SLC16A10: variants seen among roughly 807,000 people sequenced by gnomAD.
The protein encoded by SLC16A10 is monocarboxylate transporter 10.
In SLC16A10, 27 loss-of-function variants were observed where a neutral mutation model predicts 40.0. The observed-to-expected ratio is 0.67, with a 90% CI of 0.50 to 0.93. SLC16A10 has a LOEUF of 0.93. Ranked by LOEUF, SLC16A10 falls within the 40% of genes least tolerant of loss-of-function variation. The pLI is 0.00. For missense variants in SLC16A10, 529 were observed against 658.2 expected (o/e 0.80, Z 2.15); for synonymous variants, 213 against 249.8 (o/e 0.85, Z 1.39).
intron 1 of SLC16A10, among the ~76,000 whole-genome samples, chr6:111,107,315 G>A (rs565762024): frequency 2.0e-5 from 3 of 152,248 alleles, no homozygotes; most frequent in East Asian, 3.9e-4. Context: ...TTTAAAAAGC[G>A]CCTATCAGGG....
chr6:111,097,092 G>A (rs934770018), intron 1 of SLC16A10, among the ~76,000 whole-genome samples: 1 of 152,074 alleles, frequency 6.6e-6, no homozygotes, highest in African/African-American at 2.4e-5. Flanking sequence ...AGAGTGTTGG[G>A]ATTACAGGTT....
intron 3 of SLC16A10, among the ~76,000 whole-genome samples, chr6:111,204,355 G>A (rs1334413057): frequency 1.3e-5 from 2 of 152,156 alleles, no homozygotes; most frequent in African/African-American, 4.8e-5. Context: ...CAATTTGTGA[G>A]GGTGAGTTGA....
In SLC16A10 at chr6:111,177,462, G is replaced by C. The variant is rs780171639; in HGVS notation, c.739G>C (p.Ala247Pro). 3 of 1,613,984 alleles carry C rather than the reference G, an allele frequency of 1.9e-6. No homozygotes were observed. The highest frequency in any genetic ancestry group is 2.5e-6 in the Non-Finnish European group (3 of 1,179,994). The change falls in exon 3 of 6, where the codon GCT becomes CCT. Residue 247 changes from alanine to proline, a missense_variant. Physicochemically the swap from Ala to Pro is conservative, Grantham distance 27. Transcript: ENST00000368851. Reference protein sequence around the residue: ...LCIFMFVLFLAGFTYRPLATS... With the variant: ...LCIFMFVLFLPGFTYRPLATS... ...CATCTTCATGTTTGTTCTCTTTCTG[G>C]CTGGCTTTACTTACCGACCTCTTGC...
chr6:111,177,600 T>A lies in SLC16A10; in HGVS notation c.877T>A (p.Tyr293Asn). 1 of 1,607,696 alleles carries A rather than the reference T, an allele frequency of 6.2e-7. No individual in the cohort carries two copies. Among genetic ancestry groups the A allele is most frequent in the Non-Finnish European group, 8.5e-7 (1 of 1,177,058 alleles). The change falls in exon 3 of 6, where the codon TAT becomes AAT. Residue 293 changes from tyrosine (Y) to asparagine (N), a missense_variant. By Grantham distance (143) the Tyr-to-Asn change is moderately radical (BLOSUM62 -2). Transcript: ENST00000368851. Reference sequence around the variant, plus strand: ...TTTTGCCATCTTCAAGGTGACAGCTTATGCAGTGTGGGCAGTTGGAATACC... The same window carrying A: ...TTTTGCCATCTTCAAGGTGACAGCTAATGCAGTGTGGGCAGTTGGAATACC... ...FNFAIFKVTAYAVWAVGIPLA... is the reference protein window; with the variant it reads ...FNFAIFKVTANAVWAVGIPLA...
chr6:111,119,144 C>T (rs1315428326), intron 1 of SLC16A10, among the ~76,000 whole-genome samples: 2 of 152,160 alleles, frequency 1.3e-5, no homozygotes, highest in Non-Finnish European at 2.9e-5. Context: ...AATAGGTCTC[C>T]TCAGATCCTA....
chr6:111,221,099 TAGTAC>T (rs1770879872), intron 5 of SLC16A10, among the ~76,000 whole-genome samples: 1 of 152,248 alleles, frequency 6.6e-6, no homozygotes, highest in Non-Finnish European at 1.5e-5. Context: ...GATAGATATT[TAGTAC>T]AGTATATTCC....
At chr6:111,146,685 C>T (rs1772084631) in intron 1 of SLC16A10, among the ~76,000 whole-genome samples, 2 of 151,668 alleles carry the variant, frequency 1.3e-5, no homozygotes, top group East Asian at 1.9e-4. Flanking sequence ...TGCAGTGAGC[C>T]GAGATTGCGC....
intron 1 of SLC16A10, among the ~76,000 whole-genome samples, chr6:111,143,928 A>G (rs1772029143): frequency 6.6e-6 from 1 of 152,174 alleles, no homozygotes; most frequent in Admixed American, 6.5e-5. Context: ...GTTTGAAACC[A>G]GCCTGGTCAG....
In SLC16A10 at chr6:111,228,831, A is replaced by AC; in HGVS notation, c.*6598dup. ...AATCACCTGAGGTCAGATGTTGGAG[A>AC]CCAGCCTGACCAACATGGAGAAACC... On this transcript the variant is annotated 3_prime_UTR_variant, in exon 6 of 6. Coordinates refer to ENST00000368851, the MANE Select transcript of SLC16A10 (RefSeq NM_018593.5). 6.6e-6 allele frequency: 1 copy of AC among 151,976 alleles called. No individual in the cohort carries two copies. Among genetic ancestry groups the AC allele is most frequent in the South Asian group, 2.1e-4 (1 of 4,808 alleles). 9.4% of individuals were successfully genotyped at this position (151,976 alleles called of 1,614,324 possible). A position where few individuals can be genotyped will look rare whatever the true frequency, so the allele number is the denominator to read the frequency against.
chr6:111,189,661 T>TC (rs1772957458), intron 3 of SLC16A10, among the ~76,000 whole-genome samples: 2 of 152,142 alleles, frequency 1.3e-5, no homozygotes, highest in South Asian at 4.2e-4. Context: ...TGGAGGAGGA[T>TC]CAAAGGCATG....
intron 1 of SLC16A10, among the ~76,000 whole-genome samples, chr6:111,131,749 C>T (rs774445483): frequency 7.2e-5 from 11 of 152,108 alleles, no homozygotes; most frequent in African/African-American, 1.7e-4. Context: ...AGCTGAGGGC[C>T]GACTAGAGGC....
chr6:111,171,481 G>A (rs1772584448), intron 1 of SLC16A10, among the ~76,000 whole-genome samples: 1 of 152,188 alleles, frequency 6.6e-6, no homozygotes, highest in Admixed American at 6.5e-5. Flanking sequence ...GTGAGACCCT[G>A]TCTGTACAAA....
chr6:111,181,680 A>T (rs780722558), intron 3 of SLC16A10, among the ~76,000 whole-genome samples: 5 of 152,210 alleles, frequency 3.3e-5, no homozygotes, highest in Non-Finnish European at 5.9e-5. Context: ...ATTAGATTGT[A>T]CATGATGATT....
intron 1 of SLC16A10, among the ~76,000 whole-genome samples, chr6:111,114,601 G>A (rs1389361146): frequency 6.6e-6 from 1 of 152,000 alleles, no homozygotes; most frequent in East Asian, 1.9e-4. Context: ...GTATTTTATT[G>A]AAGCATAGTT....
intron 1 of SLC16A10, among the ~76,000 whole-genome samples, chr6:111,110,333 A>C (rs2114456646): frequency 7.9e-6 from 1 of 126,714 alleles, no homozygotes; most frequent in East Asian, 2.3e-4. Context: ...GATTAGAGTC[A>C]AGCGAGGGTA....
At chr6:111,099,157 C>A (rs531972755) in intron 1 of SLC16A10, among the ~76,000 whole-genome samples, 1 of 152,304 alleles carries the variant, frequency 6.6e-6, no homozygotes, top group East Asian at 1.9e-4. Context: ...TGAGCCTCAG[C>A]CAGTGACTAC....
At chr6:111,171,700 T>C (rs1286276594) in intron 1 of SLC16A10, among the ~76,000 whole-genome samples, 2 of 151,316 alleles carry the variant, frequency 1.3e-5, no homozygotes, top group Non-Finnish European at 2.9e-5. Flanking sequence ...CCTGTGGTTC[T>C]AGCTACTTGG....
chr6:111,110,235 A>G (rs959937739), intron 1 of SLC16A10, among the ~76,000 whole-genome samples: 1 of 152,128 alleles, frequency 6.6e-6, no homozygotes, highest in African/African-American at 2.4e-5. Context: ...TAGTCTGTGG[A>G]GCAGTGAATG....
chr6:111,176,469 A>T (rs1413328091), intron 2 of SLC16A10, among the ~76,000 whole-genome samples: 5 of 152,240 alleles, frequency 3.3e-5, no homozygotes. Context: ...AAACTGTAAG[A>T]TTATTTAATC....
Sources: allele counts gnomAD v4.1 joint callset (sites outside exome capture counted in the v4.1 genomes callset), GRCh38; gene constraint gnomAD v4.1.1; transcripts MANE v1.5; gene names NCBI Gene and HGNC (gene_info 2026-07-23, HGNC 2026-07-21).